PCDH15: variants seen among roughly 807,000 people sequenced by gnomAD.
PCDH15 encodes the protein protocadherin-15.
A neutral mutation model predicts 178.5 loss-of-function variants in PCDH15; 129 were observed. The observed-to-expected ratio is 0.72, with a 90% CI of 0.63 to 0.84. The LOEUF (loss-of-function observed/expected upper bound fraction) is 0.84, where lower values mean the gene tolerates loss of function less well. Among genes scored for constraint, PCDH15 ranks in the 40% least tolerant of loss-of-function variants. PCDH15 has a pLI of 0.00. For missense variants in PCDH15, 2,230 were observed against 2,099.9 expected (o/e 1.06, Z -1.21); for synonymous variants, 800 against 732.0 (o/e 1.09, Z -1.50).
At chr10:54,695,217 A>T (rs1405219828) in intron 1 of PCDH15, among the ~76,000 whole-genome samples, 5 of 152,178 alleles carry the variant, frequency 3.3e-5, no homozygotes, top group African/African-American at 1.2e-4. Flanking sequence ...AAGTATAAAC[A>T]AAACAAAACA....
At chr10:55,130,301 A>G (rs1286659156) in intron 2 of PCDH15, among the ~76,000 whole-genome samples, 2 of 152,166 alleles carry the variant, frequency 1.3e-5, no homozygotes, top group African/African-American at 4.8e-5. Context: ...TCATGCTTGT[A>G]TCTGGGGAGG....
intron 2 of PCDH15, among the ~76,000 whole-genome samples, chr10:55,051,749 T>G (rs986257293): frequency 2.0e-5 from 3 of 152,202 alleles, no homozygotes; most frequent in African/African-American, 7.2e-5. Flanking sequence ...CAAAGTCAGA[T>G]AGTGACAGAG....
chr10:53,865,417 GT>G (rs753391957), intron 27 of PCDH15, among the ~76,000 whole-genome samples: 5 of 152,172 alleles, frequency 3.3e-5, no homozygotes, highest in Non-Finnish European at 7.3e-5. Context: ...AGAATGATGG[GT>G]TTAGCTGCAA....
chr10:54,724,167 G>A (rs926774662), intron 1 of PCDH15, among the ~76,000 whole-genome samples: 2 of 151,748 alleles, frequency 1.3e-5, no homozygotes, highest in South Asian at 2.1e-4. Context: ...GACTGAATAA[G>A]GAAAATGTGG....
chr10:53,852,540 A>G (rs1163939373), intron 28 of PCDH15, among the ~76,000 whole-genome samples: 7 of 152,240 alleles, frequency 4.6e-5, no homozygotes, highest in Non-Finnish European at 1.5e-5. Flanking sequence ...TGAGGTGAGG[A>G]GTAATCATTA....
intron 5 of PCDH15, among the ~76,000 whole-genome samples, chr10:54,357,861 A>G (rs1380338416): frequency 2.6e-5 from 4 of 152,086 alleles, no homozygotes; most frequent in Middle Eastern, 3.2e-3. Flanking sequence ...ATAACACCAC[A>G]TATCTACAAC....
intron 25 of PCDH15, among the ~76,000 whole-genome samples, chr10:53,922,578 A>G (rs2084090544): frequency 6.6e-6 from 1 of 152,190 alleles, no homozygotes; most frequent in Admixed American, 6.5e-5. Context: ...CTATTAAGGT[A>G]ATTTTAAATG....
intron 3 of PCDH15, among the ~76,000 whole-genome samples, chr10:54,415,628 T>C (rs1416706900): frequency 8.7e-6 from 1 of 114,770 alleles, no homozygotes; most frequent in Non-Finnish European, 2.1e-5. Context: ...TAGTTGAACA[T>C]AATCAAAAAA....
chr10:54,367,769 C>A (rs1474275328), intron 5 of PCDH15, among the ~76,000 whole-genome samples: 2 of 151,634 alleles, frequency 1.3e-5, no homozygotes, highest in Non-Finnish European at 2.9e-5. Context: ...AACAAACCTG[C>A]ACATTCTGCA....
intron 5 of PCDH15, 152 bp from the exon 6 acceptor site, chr10:54,346,636 T>C (rs1943339986): frequency 1.1e-6 from 1 of 876,508 alleles, no homozygotes; most frequent in Non-Finnish European, 1.8e-6. Context: ...AAGAACAGTT[T>C]TGAGCCTTAC....
intron 3 of PCDH15, among the ~76,000 whole-genome samples, chr10:54,507,351 C>CTA (rs542871940): frequency 2.8e-3 from 422 of 150,026 alleles, no homozygotes; most frequent in East Asian, 0.02. Flanking sequence ...AATATACATG[C>CTA]TATATATATA....
At chr10:54,779,059 T>C (rs1949998283) in intron 1 of PCDH15, among the ~76,000 whole-genome samples, 1 of 152,034 alleles carries the variant, frequency 6.6e-6, no homozygotes, top group South Asian at 2.1e-4. Flanking sequence ...AGGAGAGAGA[T>C]TAGAGATAGA....
intron 2 of PCDH15, among the ~76,000 whole-genome samples, chr10:54,613,454 T>A (rs1246777320): frequency 6.6e-6 from 1 of 151,594 alleles, no homozygotes; most frequent in African/African-American, 2.4e-5. Context: ...AATTTCAAGA[T>A]GAAATATAAA....
chr10:54,770,027 G>A (rs1399471078), intron 1 of PCDH15, among the ~76,000 whole-genome samples: 1 of 152,054 alleles, frequency 6.6e-6, no homozygotes, highest in African/African-American at 2.4e-5. Context: ...TACTTCTTCA[G>A]TCATCCTGAA....
At chr10:55,192,269 T>C (rs1346206988) in intron 1 of PCDH15, among the ~76,000 whole-genome samples, 2 of 151,848 alleles carry the variant, frequency 1.3e-5, no homozygotes, top group Non-Finnish European at 2.9e-5. Flanking sequence ...GGGGGTTATA[T>C]ACAGTGCCAT....
chr10:54,552,054 C>T (rs571427436), intron 2 of PCDH15, among the ~76,000 whole-genome samples: 108 of 152,216 alleles, frequency 7.1e-4, no homozygotes, highest in African/African-American at 2.4e-3. Context: ...CATTTCCAGA[C>T]TCATATAACT....
At chr10:54,762,522 T>C (rs1358267382) in intron 1 of PCDH15, among the ~76,000 whole-genome samples, 1 of 152,124 alleles carries the variant, frequency 6.6e-6, no homozygotes, top group Non-Finnish European at 1.5e-5. Context: ...AACAAATACC[T>C]TCAATCTCTC....
chr10:53,927,860 G>A (rs993553961), intron 25 of PCDH15, among the ~76,000 whole-genome samples: 5 of 152,020 alleles, frequency 3.3e-5, no homozygotes, highest in Non-Finnish European at 7.4e-5. Flanking sequence ...AGAACTCACA[G>A]GCCAGATGTA....
chr10:54,709,982 A>G (rs1297582349), intron 1 of PCDH15, among the ~76,000 whole-genome samples: 3 of 149,850 alleles, frequency 2.0e-5, no homozygotes, highest in Non-Finnish European at 4.4e-5. Context: ...TATGTAATAA[A>G]TATGTACTAG....
Sources: gnomAD v4.1 joint callset for allele counts (sites outside exome capture counted in the v4.1 genomes callset) on GRCh38, gnomAD v4.1.1 for gene constraint, MANE v1.5 for transcripts, NCBI Gene and HGNC (gene_info 2026-07-23, HGNC 2026-07-21) for gene names.